The following USB1 variants were observed in gnomAD, a reference collection of about 807,000 sequenced individuals.
USB1 encodes U6 snRNA phosphodiesterase 1.
USB1 carries 21 observed loss-of-function variants against 29.9 expected under a neutral mutation model. The observed-to-expected ratio is 0.70, with a 90% CI of 0.50 to 1.01. USB1 has a LOEUF of 1.01. Among genes scored for constraint, USB1 ranks in the 50% least tolerant of loss-of-function variants. The pLI, the probability that USB1 is intolerant of heterozygous loss-of-function variation, is 0.00. For missense variants in USB1, 330 were observed against 347.1 expected (o/e 0.95, Z 0.39); for synonymous variants, 143 against 134.9 (o/e 1.06, Z -0.42).
intron 3 of USB1, chr16:58,011,496 C>G (rs760815165): frequency 5.9e-6 from 6 of 1,014,978 alleles, no homozygotes; most frequent in Middle Eastern, 5.0e-4. Context: ...TTCACTGAGG[C>G]TCTCCCGGTT....
Position 58,020,467 on chromosome 16 carries a change from T to G in USB1, c.*222T>G. 1.7e-6 allele frequency: 1 copy of G among 575,204 alleles called. No individual in the cohort carries two copies. Among genetic ancestry groups the G allele is most frequent in the Middle Eastern group, 4.3e-4 (1 of 2,346 alleles). 35.6% of individuals were successfully genotyped at this position (575,204 alleles called of 1,614,324 possible). A position where few individuals can be genotyped will look rare whatever the true frequency, so the allele number is the denominator to read the frequency against. On this transcript the variant is annotated 3_prime_UTR_variant, in exon 7 of 7. Transcript: ENST00000219281. ...TCTCTCTTCTCCTCTCTTTCTCTCC[T>G]CTGTCTCTCTTCCTCTCCTCTCTTC...
chr16:58,017,232 G>C (rs1221835844), intron 4 of USB1, 102 bp from the exon 5 acceptor site: 1 of 1,022,520 alleles, frequency 9.8e-7, no homozygotes, highest in African/African-American at 1.6e-5. Flanking sequence ...TGAGACCCAC[G>C]GCCCAGGCCT....
chr16:58,005,281 G>C (rs1377858420), intron 2 of USB1, among the ~76,000 whole-genome samples: 1 of 152,078 alleles, frequency 6.6e-6, no homozygotes, highest in East Asian at 1.9e-4. Flanking sequence ...GAGGAGCAGA[G>C]TCTTCTCTAA....
At chr16:58,017,138 G>A (rs975350851) in intron 4 of USB1, 196 bp from the exon 5 acceptor site, 11 of 619,900 alleles carry the variant, frequency 1.8e-5, no homozygotes, top group African/African-American at 1.6e-4. Context: ...GTGAGAACTG[G>A]GAAAGGAAGA....
At chr16:58,010,235 C>G (rs1963462072) in intron 3 of USB1, 123 bp downstream of exon 3, 2 of 1,141,358 alleles carry the variant, frequency 1.8e-6, no homozygotes, top group Non-Finnish European at 2.5e-6. Context: ...CGGCCCCTCT[C>G]CTGGGGCTGC....
At chr16:58,012,092 G>A (rs1963509698) in intron 3 of USB1, 1 of 1,378,304 alleles carries the variant, frequency 7.3e-7, no homozygotes, top group East Asian at 2.6e-5. Flanking sequence ...CAGTTCAGGG[G>A]GCCATAGGCC....
At chr16:58,005,339 G>A (rs982359858) in intron 2 of USB1, among the ~76,000 whole-genome samples, 1 of 152,118 alleles carries the variant, frequency 6.6e-6, no homozygotes, top group Admixed American at 6.5e-5. Flanking sequence ...GCTAAGTAGC[G>A]GGTGTTTTCC....
At chr16:58,000,902 C>G (rs1377302214), upstream of USB1, among the ~76,000 whole-genome samples, 4 of 152,186 alleles carry the variant, frequency 2.6e-5, no homozygotes, top group Non-Finnish European at 5.9e-5. The surrounding 1 kb of genome is among the most constrained non-coding windows in gnomAD (Gnocchi z 4.5). Context: ...CCGGCCACCC[C>G]GCTCGGGCTT....
chr16:58,011,499 TC>T, intron 3 of USB1: 1 of 1,014,778 alleles, frequency 9.9e-7, no homozygotes. Flanking sequence ...ACTGAGGCTC[TC>T]CCGGTTGGCA....
chr16:58,012,349 C>A, intron 3 of USB1: 1 of 1,532,630 alleles, frequency 6.5e-7, no homozygotes, highest in Non-Finnish European at 8.7e-7. Context: ...AGAAGCCCAA[C>A]CCAAAGTGGC....
At chr16:58,018,378 C>A (rs1402899530) in intron 5 of USB1, among the ~76,000 whole-genome samples, 1 of 152,050 alleles carries the variant, frequency 6.6e-6, no homozygotes, top group Non-Finnish European at 1.5e-5. Context: ...TGTACAACAC[C>A]ACGCCCAGCT....
chr16:58,012,120 G>T, intron 3 of USB1: 1 of 1,404,158 alleles, frequency 7.1e-7, no homozygotes, highest in Non-Finnish European at 9.2e-7. Context: ...TCCATAGGAT[G>T]TCACTGCCCA....
At chr16:58,019,086 G>A (rs1425702608) in intron 6 of USB1, 31 bp downstream of exon 6, 7 of 1,607,534 alleles carry the variant, frequency 4.4e-6, no homozygotes, top group East Asian at 2.2e-5. Context: ...CACAGAGGGC[G>A]CTGAACTCCA....
intron 3 of USB1, chr16:58,012,781 GC>G: frequency 9.9e-7 from 1 of 1,008,550 alleles, no homozygotes; most frequent in Non-Finnish European, 1.2e-6. Context: ...CACTGCACTT[GC>G]GCTAGGAAGA....
At chr16:57,999,610 C>A (rs2142284560), upstream of USB1, 1 of 152,408 alleles carries the variant, frequency 6.6e-6, no homozygotes, top group Non-Finnish European at 1.5e-5. Flanking sequence ...TGTAAGTTTT[C>A]TCCTGAGCAG....
At chr16:58,011,918 C>G (rs1963505867) in intron 3 of USB1, 1 of 1,023,222 alleles carries the variant, frequency 9.8e-7, no homozygotes, top group Non-Finnish European at 1.2e-6. Flanking sequence ...TCTGGATCCT[C>G]TACTGTTGAT....
intron 6 of USB1, among the ~76,000 whole-genome samples, 174 bp downstream of exon 6, chr16:58,019,229 TTCAG>T (rs1311043846): frequency 6.6e-6 from 1 of 152,080 alleles, no homozygotes; most frequent in Non-Finnish European, 1.5e-5. Context: ...GACCAGCAGC[TTCAG>T]TGTCACCTGA....
intron 3 of USB1, chr16:58,011,694 G>T: frequency 5.1e-6 from 5 of 987,672 alleles, no homozygotes; most frequent in Non-Finnish European, 6.0e-6. Context: ...TTGGTCCTGT[G>T]GTTCTTTACC....
chr16:58,001,568 G>A lies in USB1; in HGVS notation c.85G>A (p.Gly29Arg). The A allele has an allele frequency of 1.9e-6, 3 of 1,607,816 alleles. No homozygotes were observed. Among genetic ancestry groups the A allele is most frequent in the Non-Finnish European group, 1.7e-6 (2 of 1,177,718 alleles). The change falls in exon 1 of 7, where the codon GGG (glycine) becomes AGG (arginine). Residue 29 changes from glycine (G) to arginine (R), a missense_variant. Transcript: ENST00000219281. The part of the protein sequence containing the change: ...EDGMRTRPGD[G>R]SHRRGQSPLP... Reference sequence around the variant, plus strand: ...CGGGATGCGGACCAGGCCGGGGGATGGGAGCCACCGTCGGTGAGGAGTGAG... The same window carrying A: ...CGGGATGCGGACCAGGCCGGGGGATAGGAGCCACCGTCGGTGAGGAGTGAG...
Sources: allele counts gnomAD v4.1 joint callset (sites outside exome capture counted in the v4.1 genomes callset), GRCh38; gene constraint gnomAD v4.1.1; non-coding constraint Gnocchi (gnomAD v3.1); transcripts MANE v1.5; gene names NCBI Gene and HGNC (gene_info 2026-07-23, HGNC 2026-07-21).